The following CTNNA1 variants were observed in gnomAD, a reference collection of about 807,000 sequenced individuals.
The protein encoded by CTNNA1 is catenin alpha 1.
CTNNA1 carries 37 observed loss-of-function variants against 98.4 expected under a neutral mutation model. The ratio of observed to expected loss-of-function variants is 0.38; its 90% confidence interval spans 0.29 to 0.49. CTNNA1 has a LOEUF of 0.49. Among genes scored for constraint, CTNNA1 ranks in the 20% least tolerant of loss-of-function variants. CTNNA1 has a pLI of 0.95. For missense variants in CTNNA1, 761 were observed against 1,147.2 expected, an observed-to-expected ratio of 0.66 and a Z score of 4.86; for synonymous variants, 404 against 413.2, an observed-to-expected ratio of 0.98 and a Z score of 0.27.
intron 1 of CTNNA1, among the ~76,000 whole-genome samples, chr5:138,765,005 C>G (rs1315689502): frequency 6.7e-6 from 1 of 150,358 alleles, no homozygotes; most frequent in Non-Finnish European, 1.5e-5. Context: ...TTCCGAGTAT[C>G]TGGGATTACA....
At chr5:138,762,155 A>G (rs1418712715) in intron 1 of CTNNA1, 1 of 152,184 alleles carries the variant, frequency 6.6e-6, no homozygotes, top group African/African-American at 2.4e-5. Context: ...AAAAGTTAAA[A>G]CACATCTGGA....
chr5:138,932,691 C>CG lies in CTNNA1; in HGVS notation c.2416dup (p.Glu806GlyfsTer72). 1 of 1,614,066 alleles carries CG rather than the reference C, an allele frequency of 6.2e-7. No homozygotes were observed. The highest frequency in any genetic ancestry group is 8.5e-7 in the Non-Finnish European group (1 of 1,180,006). On this transcript the variant is annotated frameshift_variant, in exon 17 of 18. Coordinates refer to ENST00000302763, the MANE Select transcript of CTNNA1 (RefSeq NM_001903.5). LOFTEE classifies it high-confidence loss of function. ...TCAAGGCCGAGGTGCAGAATCTCGG[C>CG]GGGGAGCTTGTTGTCTCTGGGGTAA...
At chr5:138,852,084 A>C (rs1763239141) in intron 7 of CTNNA1, among the ~76,000 whole-genome samples, 2 of 152,166 alleles carry the variant, frequency 1.3e-5, no homozygotes, top group South Asian at 4.1e-4. Flanking sequence ...AAAATAAAAA[A>C]TAAATAAATA....
intron 9 of CTNNA1, among the ~76,000 whole-genome samples, chr5:138,897,294 A>ACCG (rs1757040441): frequency 1.2e-4 from 2 of 16,392 alleles, no homozygotes; most frequent in African/African-American, 2.2e-4. Flanking sequence ...CTCACACCGC[A>ACCG]CCCCCCCCCC....
At chr5:138,898,931 A>G (rs189968249) in intron 9 of CTNNA1, among the ~76,000 whole-genome samples, 19 of 152,294 alleles carry the variant, frequency 1.2e-4, no homozygotes. Flanking sequence ...CTAGGTTACT[A>G]ATTCTCTTTT....
At position 138,781,679 on chromosome 5, in the gene CTNNA1, G is replaced by A. The variant is rs575746804; in HGVS notation, c.-2-244G>A. 9.2e-5 allele frequency among the ~76,000 whole-genome samples: 14 copies of A among 152,294 alleles called. No individual in the cohort carries two copies. The South Asian group carries it at 2.7e-3, about 29-fold the overall frequency. ...GTCTTGGTGCTAGAGAAGCCCAAAG[G>A]GAAACATTCTGTGTGTTTGGGAATG... On this transcript the variant is annotated intron_variant, in intron 1 of 17. Coordinates refer to ENST00000302763, the MANE Select transcript of CTNNA1 (RefSeq NM_001903.5).
intron 7 of CTNNA1, among the ~76,000 whole-genome samples, chr5:138,878,152 GTGGGCACTAA>G (rs1329633955): frequency 1.3e-5 from 2 of 152,184 alleles, no homozygotes; most frequent in African/African-American, 4.8e-5. Context: ...CTCTGAGGAA[GTGGGCACTAA>G]TGCTTGCAGT....
chr5:138,925,594 C>A, intron 13 of CTNNA1, 187 bp downstream of exon 13: 1 of 869,050 alleles, frequency 1.2e-6, no homozygotes, highest in Non-Finnish European at 1.6e-6. Flanking sequence ...AGTTAGAGCC[C>A]AAACTTGGGC....
chr5:138,772,446 G>C (rs887761327), intron 1 of CTNNA1, among the ~76,000 whole-genome samples: 2 of 152,206 alleles, frequency 1.3e-5, no homozygotes, highest in African/African-American at 4.8e-5. Flanking sequence ...ACTGTCAAGA[G>C]TTTAAAAGTT....
intron 9 of CTNNA1, among the ~76,000 whole-genome samples, chr5:138,896,428 A>G (rs1014212594): frequency 6.6e-6 from 1 of 152,166 alleles, no homozygotes; most frequent in Non-Finnish European, 1.5e-5. Flanking sequence ...AATATTCGCC[A>G]TGAGATCTCT....
intron 3 of CTNNA1, among the ~76,000 whole-genome samples, chr5:138,806,421 G>A (rs770413995): frequency 1.7e-4 from 26 of 149,512 alleles, no homozygotes; most frequent in Non-Finnish European, 3.4e-4. Flanking sequence ...TTCTTCTCCC[G>A]CTCAGAAAGG....
intron 1 of CTNNA1, among the ~76,000 whole-genome samples, chr5:138,758,611 G>A (rs904312026): frequency 5.3e-5 from 8 of 152,036 alleles, no homozygotes; most frequent in Non-Finnish European, 1.2e-4. Context: ...TCTTGACCTC[G>A]TGATCTGCCC....
intron 1 of CTNNA1, among the ~76,000 whole-genome samples, chr5:138,776,789 C>T (rs1460608400): frequency 1.3e-5 from 2 of 148,572 alleles, no homozygotes; most frequent in African/African-American, 5.0e-5. Flanking sequence ...GGGCGGCTGG[C>T]CAGGCGGGGG....
At chr5:138,930,246 C>T (rs1295463038) in intron 14 of CTNNA1, among the ~76,000 whole-genome samples, 1 of 152,166 alleles carries the variant, frequency 6.6e-6, no homozygotes, top group Admixed American at 6.5e-5. Flanking sequence ...TTCCACCCCT[C>T]GCTGTTTCCT....
Position 138,873,263 on chromosome 5 carries a change from G to C in CTNNA1, c.1063-12949G>C. On this transcript the variant is annotated intron_variant, in intron 7 of 17. Transcript: ENST00000302763. This position sits in a 1 kb window ranked among gnomAD's most constrained non-coding sequence, Gnocchi z 6.1. Reference sequence around the variant, plus strand: ...CACTATAAAAATAATAAAAAAGAAAGAAAACAATAAAGCCATTGTTCCCGT... The same window carrying C: ...CACTATAAAAATAATAAAAAAGAAACAAAACAATAAAGCCATTGTTCCCGT... The C allele has an allele frequency of 6.2e-7, 1 of 1,613,822 alleles. No individual in the cohort carries two copies. Among genetic ancestry groups the C allele is most frequent in the Non-Finnish European group, 8.5e-7 (1 of 1,179,802 alleles).
At chr5:138,819,503 A>T (rs1161417333) in intron 5 of CTNNA1, among the ~76,000 whole-genome samples, 2 of 152,026 alleles carry the variant, frequency 1.3e-5, no homozygotes, top group Admixed American at 6.5e-5. Flanking sequence ...CAGCCCTGGG[A>T]TGCTCAGCTG....
chr5:138,934,062 C>T lies in CTNNA1; in HGVS notation c.2694C>T (p.Ser898=), dbSNP rs374705823. Residue 898 remains serine (S), a synonymous_variant, in exon 18 of 18, where the codon AGC becomes AGT. Coordinates refer to ENST00000302763, the MANE Select transcript of CTNNA1 (RefSeq NM_001903.5). Reference sequence around the variant, plus strand: ...ACGTGAACCCGGTGCAGGCCCTCAGCGAGTTCAAAGCTATGGACAGCATCT... The same window carrying T: ...ACGTGAACCCGGTGCAGGCCCTCAGTGAGTTCAAAGCTATGGACAGCATCT... ...KKHVNPVQAL[S]EFKAMDSI 220 of 1,612,932 alleles carry T rather than the reference C, an allele frequency of 1.4e-4. No homozygotes were observed. Among genetic ancestry groups the T allele is most frequent in the Non-Finnish European group, 1.7e-4 (200 of 1,179,946 alleles).
chr5:138,839,585 T>C (rs530310372), intron 7 of CTNNA1, among the ~76,000 whole-genome samples: 1 of 152,290 alleles, frequency 6.6e-6, no homozygotes, highest in South Asian at 2.1e-4. Flanking sequence ...GCTGTTTTTT[T>C]AGTTGGGGGA....
At chr5:138,849,174 T>G (rs181455161) in intron 7 of CTNNA1, among the ~76,000 whole-genome samples, 2 of 152,356 alleles carry the variant, frequency 1.3e-5, no homozygotes, top group Admixed American at 6.5e-5. Context: ...CTTTATTTGG[T>G]GATTGCATTT....
Sources: gnomAD v4.1 joint callset for allele counts (sites outside exome capture counted in the v4.1 genomes callset) on GRCh38, gnomAD v4.1.1 for gene constraint, Gnocchi (gnomAD v3.1) non-coding constraint, MANE v1.5 for transcripts, NCBI Gene and HGNC (gene_info 2026-07-23, HGNC 2026-07-21) for gene names.